The following PSMD12 variants were observed in gnomAD, a reference collection of about 807,000 sequenced individuals.
PSMD12 encodes proteasome 26S subunit, non-ATPase 12, also known as 26S proteasome non-ATPase regulatory subunit 12.
Under a neutral mutation model 62.9 loss-of-function variants are expected in PSMD12, and 8 were observed. The ratio of observed to expected loss-of-function variants is 0.13; its 90% CI spans 0.07 to 0.23. PSMD12 has a LOEUF of 0.23. PSMD12 is among the 10% of genes least tolerant of loss of function. The pLI is 1.00. For synonymous variants in PSMD12, 173 were observed against 187.4 expected (o/e 0.92, Z 0.63); for missense variants, 424 against 550.2 (o/e 0.77, Z 2.29).
At chr17:67,366,035 T>A (rs1422740311) in intron 1 of PSMD12, among the ~76,000 whole-genome samples, 3 of 152,112 alleles carry the variant, frequency 2.0e-5, no homozygotes, top group Non-Finnish European at 4.4e-5. Context: ...ACGACATAAA[T>A]TGATTGAGCA....
chr17:67,348,415 C>A, intron 5 of PSMD12, 135 bp downstream of exon 5: 2 of 720,014 alleles, frequency 2.8e-6, no homozygotes, highest in East Asian at 2.7e-5. Context: ...AGATGCCATT[C>A]ACAGGCTTTC....
At position 67,357,418 on chromosome 17, in the gene PSMD12, A is replaced by G; in HGVS notation, c.182T>C (p.Val61Ala). 6.2e-7 allele frequency: 1 copy of G among 1,613,490 alleles called. No homozygotes were observed. Among genetic ancestry groups the G allele is most frequent in the Non-Finnish European group, 8.5e-7 (1 of 1,179,494 alleles). The change falls in exon 3 of 11, where the codon GTA becomes GCA. Residue 61 changes from valine to alanine, a missense_variant. Transcript: ENST00000356126. ...EKQTRTASDM[V>A]STSRILVAVV... ...TGCAACTAAGATACGGGATGTCGATACCATATCGGAAGCCTGTAAGGGTAA... is the reference window on the plus strand; with the variant it reads ...TGCAACTAAGATACGGGATGTCGATGCCATATCGGAAGCCTGTAAGGGTAA...
At chr17:67,355,485 A>T (rs1442711457) in intron 3 of PSMD12, 1 of 152,142 alleles carries the variant, frequency 6.6e-6, no homozygotes, top group Non-Finnish European at 1.5e-5. Context: ...AATTTAACCC[A>T]CTTTAATACT....
chr17:67,359,755 G>C (rs1257455779), intron 1 of PSMD12, among the ~76,000 whole-genome samples: 1 of 151,986 alleles, frequency 6.6e-6, no homozygotes, highest in African/African-American at 2.4e-5. Context: ...TTCCTGTTTG[G>C]AGAGCCCTAG....
chr17:67,364,929 A>AT (rs1033193487), intron 1 of PSMD12, among the ~76,000 whole-genome samples: 2 of 152,116 alleles, frequency 1.3e-5, no homozygotes, highest in African/African-American at 4.8e-5. Context: ...CACGCCTGTA[A>AT]TCCCAGCACT....
At position 67,344,732 on chromosome 17, in the gene PSMD12, T is replaced by C; in HGVS notation, c.957A>G (p.Thr319=). ...FTTMELMRWS[T]LVEDYGMELR... ...ATTCCATTCCATAGTCCTCAACAAG[T>C]GTGGACCAACGCATCAACTCCATTG... Residue 319 remains threonine (T), a synonymous_variant, in exon 9 of 11, where the codon ACA becomes ACG. Transcript: ENST00000356126. 1.2e-6 allele frequency: 2 copies of C among 1,611,636 alleles called. No individual in the cohort carries two copies. The highest frequency in any genetic ancestry group is 8.5e-7 in the Non-Finnish European group (1 of 1,178,432).
chr17:67,366,278 G>A (rs2042178125), intron 1 of PSMD12, 134 bp downstream of exon 1: 1 of 843,248 alleles, frequency 1.2e-6, no homozygotes, highest in Non-Finnish European at 1.8e-6. Flanking sequence ...TCTCCCACTC[G>A]TGCAGGCCCA....
intron 1 of PSMD12, among the ~76,000 whole-genome samples, chr17:67,364,365 G>C (rs1041245556): frequency 6.6e-6 from 1 of 152,144 alleles, no homozygotes. Context: ...TCAACAGCCT[G>C]GAGCATAACA....
At chr17:67,344,536 A>G in intron 9 of PSMD12, 70 bp downstream of exon 9, 1 of 1,409,812 alleles carries the variant, frequency 7.1e-7, no homozygotes, top group Non-Finnish European at 9.5e-7. Flanking sequence ...AAATTGCCAA[A>G]ATTTAATTCT....
At chr17:67,352,539 C>A (rs542853748) in intron 3 of PSMD12, among the ~76,000 whole-genome samples, 1 of 152,128 alleles carries the variant, frequency 6.6e-6, no homozygotes, top group Non-Finnish European at 1.5e-5. Context: ...GAGCACACAA[C>A]TTGATAATTC....
Position 67,338,608 on chromosome 17 carries a change from C to T in PSMD12, c.*2235G>A, listed in dbSNP as rs2041881238. ...GTGGCTCATGCCTGTAATCCCAGCA[C>T]TTTGGGCAGCCAAGGCGGGTGGATC... is the stretch of plus-strand genomic sequence containing the variant. On this transcript the variant is annotated 3_prime_UTR_variant, in exon 11 of 11. Coordinates refer to ENST00000356126, the MANE Select transcript of PSMD12 (RefSeq NM_002816.5). 6.6e-6 allele frequency: 1 copy of T among 152,290 alleles called. No homozygotes were observed. Among genetic ancestry groups the T allele is most frequent in the African/African-American group, 2.4e-5 (1 of 41,436 alleles). 9.4% of individuals were successfully genotyped at this position (152,290 alleles called of 1,614,324 possible).
intron 7 of PSMD12, among the ~76,000 whole-genome samples, chr17:67,346,264 G>C (rs1489642512): frequency 6.6e-6 from 1 of 152,026 alleles, no homozygotes; most frequent in South Asian, 2.1e-4. Flanking sequence ...GCGTGGGGGC[G>C]GGTGCCTGTA....
In PSMD12 at chr17:67,347,090, T is replaced by C. The variant is rs373133745; in HGVS notation, c.795+26A>G. ...AATTACTCTTCTGAATAAGAAGCCA[T>C]GTCAATTACACGAATATATTCTTAC... On this transcript the variant is annotated intron_variant, in intron 7 of 10. Coordinates refer to ENST00000356126, the MANE Select transcript of PSMD12 (RefSeq NM_002816.5). The C allele has an allele frequency of 3.2e-6, 5 of 1,560,898 alleles. No homozygotes were observed. In the African/African-American group the frequency reaches 4.1e-5, roughly 13 times the overall value.
chr17:67,363,509 G>A (rs1370784362), intron 1 of PSMD12, among the ~76,000 whole-genome samples: 1 of 152,142 alleles, frequency 6.6e-6, no homozygotes, highest in Non-Finnish European at 1.5e-5. Flanking sequence ...TAAAGAGGTA[G>A]TAGCAAAAAG....
At chr17:67,355,039 C>G (rs1399166001) in intron 3 of PSMD12, among the ~76,000 whole-genome samples, 1 of 150,424 alleles carries the variant, frequency 6.6e-6, no homozygotes, top group Non-Finnish European at 1.5e-5. Context: ...TAGGTTGTCT[C>G]AATTAAATTA....
At position 67,353,315 on chromosome 17, in the gene PSMD12, G is replaced by A. The variant is rs7503013; in HGVS notation, c.298-2979C>T. 1.5e-4 allele frequency among the ~76,000 whole-genome samples: 22 copies of A among 150,738 alleles called. No homozygotes were observed. The South Asian group carries it at 1.9e-3, about 13-fold the overall frequency. ...TTTCCTTCCCTTCCTCCTTCCCCCC[G>A]CTCCCTCTCTCTTTCTTTTGAGACA... is the stretch of plus-strand genomic sequence containing the variant. On this transcript the variant is annotated intron_variant, in intron 3 of 10. Transcript: ENST00000356126.
At position 67,338,706 on chromosome 17, in the gene PSMD12, G is replaced by A. The variant is rs2143671280; in HGVS notation, c.*2137C>T. 1 of 152,254 alleles carries A rather than the reference G, an allele frequency of 6.6e-6. No individual in the cohort carries two copies. Among genetic ancestry groups the A allele is most frequent in the Middle Eastern group, 3.4e-3 (1 of 294 alleles). 9.4% of individuals were successfully genotyped at this position (152,254 alleles called of 1,614,324 possible). A position where few individuals can be genotyped will look rare whatever the true frequency, so the allele number is the denominator to read the frequency against. ...ATCTCTACTAAAAACACAAAAATTAGCTAGGTGTGGTGGCAGGCGCCTATA... is the reference window on the plus strand; with the variant it reads ...ATCTCTACTAAAAACACAAAAATTAACTAGGTGTGGTGGCAGGCGCCTATA... On this transcript the variant is annotated 3_prime_UTR_variant, in exon 11 of 11. Transcript: ENST00000356126.
intron 8 of PSMD12, among the ~76,000 whole-genome samples, chr17:67,344,984 AAC>A (rs2041951098): frequency 6.6e-6 from 1 of 152,242 alleles, no homozygotes; most frequent in South Asian, 2.1e-4. Context: ...TCTCCCACTT[AAC>A]ACTCTGCTCT....
chr17:67,345,824 C>A lies in PSMD12; in HGVS notation c.829G>T (p.Ala277Ser). The change falls in exon 8 of 11, where the codon GCT becomes TCT. Residue 277 changes from alanine to serine, a missense_variant. Coordinates refer to ENST00000356126, the MANE Select transcript of PSMD12 (RefSeq NM_002816.5). ...LKSVVLYVIL[A>S]PFDNEQSDLV... ...TCTGACTGTTCATTGTCAAAAGGAG[C>A]CAGGATAACATAGAGTACAACACTC... The A allele has an allele frequency of 3.1e-6, 5 of 1,613,650 alleles. 1 individual carries two copies. The South Asian group carries it at 4.4e-5, about 14-fold the overall frequency.
Sources: gnomAD v4.1 joint callset for allele counts (sites outside exome capture counted in the v4.1 genomes callset) on GRCh38, gnomAD v4.1.1 for gene constraint, MANE v1.5 for transcripts, NCBI Gene and HGNC (gene_info 2026-07-23, HGNC 2026-07-21) for gene names.